Variants in PTPRD observed in about 807,000 individuals in gnomAD.
PTPRD encodes protein tyrosine phosphatase receptor type D, also known as receptor-type tyrosine-protein phosphatase delta.
Under a neutral mutation model 214.5 loss-of-function variants are expected in PTPRD, and 34 were observed. The observed-to-expected ratio is 0.16, with a 90% CI of 0.12 to 0.21. The LOEUF is 0.21. Ranked by LOEUF, PTPRD falls within the 10% of genes least tolerant of loss-of-function variation. PTPRD has a pLI of 1.00. For synonymous variants in PTPRD, 1,128 were observed against 845.7 expected, an observed-to-expected ratio of 1.33 and a Z score of -5.79; for missense variants, 2,545 against 2,398.7, an observed-to-expected ratio of 1.06 and a Z score of -1.27.
rs763845646 is a variant in PTPRD at position 8,449,777 on chromosome 9, T to G, written c.3936A>C (p.Ser1312=). ...GTTCTACAGGGTCTGTTGGGTGGTG[T>G]GAAGGGATCTCCTTATTGTTCGGTA... ...SSIPNNKEIP[S]HHPTDPVELR... is the part of the protein sequence containing the mutation. The change falls in exon 34 of 46, where the codon TCA becomes TCC. Residue 1312 remains serine, a synonymous_variant. Coordinates refer to ENST00000381196, the MANE Select transcript of PTPRD (RefSeq NM_002839.4). 1 of 1,614,136 alleles carries G rather than the reference T, an allele frequency of 6.2e-7. No individual in the cohort carries two copies. The highest frequency in any genetic ancestry group is 2.2e-5 in the East Asian group (1 of 44,876).
intron 11 of PTPRD, among the ~76,000 whole-genome samples, chr9:8,819,573 A>T (rs1281783308): frequency 1.3e-5 from 2 of 152,106 alleles, no homozygotes; most frequent in Middle Eastern, 3.2e-3. Flanking sequence ...AGGCAAGAGA[A>T]TCACTTGAAC....
At chr9:10,071,255 T>A (rs1406896430) in intron 3 of PTPRD, among the ~76,000 whole-genome samples, 1 of 152,028 alleles carries the variant, frequency 6.6e-6, no homozygotes, top group African/African-American at 2.4e-5. Context: ...TTTGTATATA[T>A]GGATAACCTG....
At chr9:10,492,014 T>G (rs1252566091) in intron 2 of PTPRD, among the ~76,000 whole-genome samples, 1 of 152,154 alleles carries the variant, frequency 6.6e-6, no homozygotes, top group Admixed American at 6.6e-5. Flanking sequence ...GTTTCCAGCT[T>G]CATCTATGTC....
intron 3 of PTPRD, among the ~76,000 whole-genome samples, chr9:10,105,632 G>C (rs1323329261): frequency 6.6e-6 from 1 of 151,766 alleles, no homozygotes; most frequent in Non-Finnish European, 1.5e-5. Context: ...CTGCCAACCT[G>C]AATTGGACCA....
At chr9:9,336,990 G>C (rs556265696) in intron 9 of PTPRD, among the ~76,000 whole-genome samples, 1 of 152,034 alleles carries the variant, frequency 6.6e-6, no homozygotes, top group African/African-American at 2.4e-5. Context: ...TTTAAGGGAA[G>C]ACCTATATAG....
chr9:9,387,308 G>A (rs559018922), intron 9 of PTPRD, among the ~76,000 whole-genome samples: 1 of 152,242 alleles, frequency 6.6e-6, no homozygotes, highest in South Asian at 2.1e-4. Context: ...TTTCTATTAA[G>A]CAAGTGGAAG....
chr9:10,058,679 C>A (rs774762261), intron 3 of PTPRD, among the ~76,000 whole-genome samples: 3 of 152,050 alleles, frequency 2.0e-5, no homozygotes, highest in Admixed American at 6.6e-5. Context: ...TTTCCAGAGA[C>A]AATAGCTTCT....
intron 8 of PTPRD, among the ~76,000 whole-genome samples, chr9:9,490,716 A>G (rs1206071928): frequency 6.6e-6 from 1 of 151,974 alleles, no homozygotes; most frequent in Non-Finnish European, 1.5e-5. Flanking sequence ...GAAAGCAGCT[A>G]TAAAATATAA....
intron 2 of PTPRD, among the ~76,000 whole-genome samples, chr9:10,395,753 G>C (rs1009452492): frequency 1.3e-5 from 2 of 151,794 alleles, no homozygotes; most frequent in African/African-American, 4.8e-5. Context: ...CTTGTGCATA[G>C]GAATCCTAGT....
At chr9:8,450,966 G>C (rs1181245115) in intron 33 of PTPRD, among the ~76,000 whole-genome samples, 7 of 152,152 alleles carry the variant, frequency 4.6e-5, no homozygotes, top group Admixed American at 4.6e-4. Flanking sequence ...CAGTGTTTAG[G>C]AACTTTCCTT....
At chr9:10,542,602 C>T (rs1356338650) in intron 2 of PTPRD, among the ~76,000 whole-genome samples, 4 of 151,998 alleles carry the variant, frequency 2.6e-5, no homozygotes, top group Non-Finnish European at 5.9e-5. Flanking sequence ...TTATTTTTCT[C>T]TCAGAGTTAT....
At chr9:8,713,133 C>T (rs1017018510) in intron 12 of PTPRD, among the ~76,000 whole-genome samples, 1 of 152,160 alleles carries the variant, frequency 6.6e-6, no homozygotes. Context: ...TTAAAAACAA[C>T]AACAACGATA....
intron 39 of PTPRD, among the ~76,000 whole-genome samples, chr9:8,364,586 TGTGAACCAGAGC>T (rs1179159289): frequency 3.3e-5 from 5 of 152,238 alleles, no homozygotes; most frequent in Admixed American, 6.5e-5. Flanking sequence ...AGGCAGCCAC[TGTGAACCAGAGC>T]AGGGCCTGCC....
intron 11 of PTPRD, among the ~76,000 whole-genome samples, chr9:8,802,217 C>T (rs1227915314): frequency 6.6e-6 from 1 of 152,096 alleles, no homozygotes; most frequent in East Asian, 1.9e-4. Flanking sequence ...GTAATGTTCC[C>T]CCACACCCTG....
chr9:8,521,768 C>T (rs564310871), intron 19 of PTPRD, among the ~76,000 whole-genome samples: 107 of 152,234 alleles, frequency 7.0e-4, no homozygotes, highest in Non-Finnish European at 1.3e-3. Flanking sequence ...ATCTTAGACA[C>T]ACTAATACAA....
At chr9:8,344,242 A>G (rs959651384) in intron 39 of PTPRD, among the ~76,000 whole-genome samples, 9 of 152,078 alleles carry the variant, frequency 5.9e-5, no homozygotes, top group African/African-American at 2.2e-4. Flanking sequence ...TTCCCAGTGG[A>G]AACCACACTG....
chr9:10,384,770 G>GAA (rs34017691), intron 2 of PTPRD, among the ~76,000 whole-genome samples: 2,467 of 148,492 alleles, frequency 0.017, 72 homozygotes, highest in African/African-American at 0.056. Context: ...AAATTTGTCA[G>GAA]AAAAAAAAAA....
At chr9:9,491,560 A>G (rs759753399) in intron 8 of PTPRD, among the ~76,000 whole-genome samples, 6 of 151,838 alleles carry the variant, frequency 4.0e-5, no homozygotes, top group African/African-American at 7.2e-5. Flanking sequence ...AAGTCTCAAT[A>G]GGTTAGAAAA....
chr9:8,703,721 C>T (rs1189270785), intron 12 of PTPRD, among the ~76,000 whole-genome samples: 3 of 152,110 alleles, frequency 2.0e-5, no homozygotes, highest in Non-Finnish European at 2.9e-5. Flanking sequence ...TTGTCTAATC[C>T]CGTGGCTCTG....
Sources: allele counts gnomAD v4.1 joint callset (sites outside exome capture counted in the v4.1 genomes callset), GRCh38; gene constraint gnomAD v4.1.1; transcripts MANE v1.5; gene names NCBI Gene and HGNC (gene_info 2026-07-23, HGNC 2026-07-21).